The following DOCK4 variants were observed in gnomAD, a reference collection of about 807,000 sequenced individuals.
The protein encoded by DOCK4 is dedicator of cytokinesis 4.
DOCK4 carries 97 observed loss-of-function variants against 268.1 expected under a neutral mutation model. The ratio of observed to expected loss-of-function variants is 0.36; its 90% confidence interval spans 0.31 to 0.43. The LOEUF is 0.43. DOCK4 is among the 20% of genes least tolerant of loss of function. The pLI, the probability that DOCK4 is intolerant of heterozygous loss-of-function variation, is 1.00. For synonymous variants in DOCK4, 954 were observed against 887.2 expected, an observed-to-expected ratio of 1.08 and a Z score of -1.34; for missense variants, 2,145 against 2,455.7, an observed-to-expected ratio of 0.87 and a Z score of 2.67.
At chr7:112,193,469 C>T (rs1021553300) in intron 1 of DOCK4, among the ~76,000 whole-genome samples, 1 of 151,724 alleles carries the variant, frequency 6.6e-6, no homozygotes, top group African/African-American at 2.4e-5. Flanking sequence ...TGTGGTGGTG[C>T]ATGCCTATAG....
intron 15 of DOCK4, among the ~76,000 whole-genome samples, chr7:111,899,688 C>T (rs982267097): frequency 5.3e-5 from 8 of 152,222 alleles, no homozygotes; most frequent in South Asian, 2.1e-4. Flanking sequence ...TTTGGGAGGC[C>T]GAGGCGGGTG....
At chr7:111,732,192 A>G (rs1040130577) in intron 52 of DOCK4, 34 bp downstream of exon 52, 2 of 1,608,894 alleles carry the variant, frequency 1.2e-6, no homozygotes, top group Non-Finnish European at 1.7e-6. Context: ...AAACTGGGCC[A>G]GTCTCTAGCC....
rs138375904 is a variant in DOCK4 at position 112,053,809 on chromosome 7, G to A, written c.38-49678C>T. 3.0e-3 allele frequency among the ~76,000 whole-genome samples: 450 copies of A among 152,240 alleles called. 3 individuals are homozygous for A. The highest frequency in any genetic ancestry group is 0.017 in the Middle Eastern group (5 of 292). On this transcript the variant is annotated intron_variant, in intron 1 of 52. Transcript: ENST00000428084. Reference sequence around the variant, plus strand: ...ATTACACCGTCAGCTAATCATATGCGCTGGGACCTTACCTAAGCACACAGG... The same window carrying A: ...ATTACACCGTCAGCTAATCATATGCACTGGGACCTTACCTAAGCACACAGG...
intron 1 of DOCK4, among the ~76,000 whole-genome samples, chr7:112,147,308 C>T (rs867085030): frequency 2.6e-5 from 4 of 152,014 alleles, no homozygotes; most frequent in African/African-American, 4.8e-5. Flanking sequence ...ATGTTTTGGG[C>T]GTTTTCAAGG....
chr7:112,012,597 A>G (rs1407180934), intron 1 of DOCK4, among the ~76,000 whole-genome samples: 2 of 152,232 alleles, frequency 1.3e-5, no homozygotes, highest in Non-Finnish European at 2.9e-5. Context: ...TCCAAATGAA[A>G]AACTGTTTTA....
chr7:111,953,393 C>G (rs1202809246), intron 8 of DOCK4, among the ~76,000 whole-genome samples: 1 of 152,148 alleles, frequency 6.6e-6, no homozygotes, highest in South Asian at 2.1e-4. Flanking sequence ...GAGCCTCTCC[C>G]TAAAAGGCAA....
intron 1 of DOCK4, among the ~76,000 whole-genome samples, chr7:112,088,070 G>A (rs1186204126): frequency 6.6e-6 from 1 of 152,110 alleles, no homozygotes; most frequent in Non-Finnish European, 1.5e-5. Context: ...GGAAACCAGT[G>A]GGATCGTGGG....
intron 1 of DOCK4, among the ~76,000 whole-genome samples, chr7:112,137,217 G>A (rs536570799): frequency 1.6e-4 from 25 of 152,112 alleles, no homozygotes; most frequent in African/African-American, 6.0e-4. Context: ...TAAAAGTTTT[G>A]GAAGGATTCT....
intron 30 of DOCK4, among the ~76,000 whole-genome samples, chr7:111,806,768 T>A (rs181236722): frequency 2.1e-4 from 32 of 152,294 alleles, no homozygotes; most frequent in Non-Finnish European, 5.9e-5. Context: ...GTGAGAGATT[T>A]TGCATTTCTT....
At chr7:111,906,510 C>T (rs1308933497) in intron 13 of DOCK4, among the ~76,000 whole-genome samples, 1 of 152,136 alleles carries the variant, frequency 6.6e-6, no homozygotes, top group Non-Finnish European at 1.5e-5. Flanking sequence ...AAGAGGAATG[C>T]ATGCACTAGA....
chr7:112,131,725 AT>A (rs1279035811), intron 1 of DOCK4, among the ~76,000 whole-genome samples: 1 of 152,336 alleles, frequency 6.6e-6, no homozygotes, highest in South Asian at 2.1e-4. Flanking sequence ...AGAAAAAAAA[AT>A]CATATGGCAT....
chr7:111,889,579 T>C (rs1808126529), intron 16 of DOCK4, among the ~76,000 whole-genome samples: 1 of 152,144 alleles, frequency 6.6e-6, no homozygotes, highest in Non-Finnish European at 1.5e-5. Flanking sequence ...ATCTCAAAGG[T>C]AGTGGCCAGT....
intron 4 of DOCK4, among the ~76,000 whole-genome samples, chr7:111,994,834 C>T (rs780256749): frequency 3.3e-5 from 5 of 152,110 alleles, no homozygotes; most frequent in Non-Finnish European, 5.9e-5. Context: ...GAACTTATGG[C>T]TTATGACATC....
chr7:111,786,641 T>C (rs1334457322), intron 32 of DOCK4, among the ~76,000 whole-genome samples: 5 of 152,198 alleles, frequency 3.3e-5, no homozygotes, highest in Non-Finnish European at 1.5e-5. Context: ...AGTGAACTAC[T>C]TACAGCTTTT....
At chr7:111,857,943 AAAT>A (rs1216500196) in intron 23 of DOCK4, among the ~76,000 whole-genome samples, 1 of 152,252 alleles carries the variant, frequency 6.6e-6, no homozygotes, top group Non-Finnish European at 1.5e-5. Flanking sequence ...TTAATGCTTT[AAAT>A]AAGTCCACCT....
chr7:111,816,808 T>C (rs977886560), intron 27 of DOCK4, among the ~76,000 whole-genome samples: 2 of 152,204 alleles, frequency 1.3e-5, no homozygotes, highest in African/African-American at 4.8e-5. Flanking sequence ...CAACTTTTAA[T>C]TTCATTTATT....
chr7:111,933,238 AC>A (rs1345050774), intron 12 of DOCK4, among the ~76,000 whole-genome samples: 9 of 144,800 alleles, frequency 6.2e-5, no homozygotes, highest in African/African-American at 2.0e-4. Context: ...ACACATATAT[AC>A]GTATATATAC....
rs1341859373 is a variant in DOCK4, at chr7:111,900,556, A to AC, written c.1318-21dup. ...AAAATCCTAACAAAGGGAAGAACACACAGGTTAAAGAGAGCTTCATCTAAA... is the reference window on the plus strand; with the variant it reads ...AAAATCCTAACAAAGGGAAGAACACACCAGGTTAAAGAGAGCTTCATCTAAA... On this transcript the variant is annotated intron_variant, in intron 14 of 52. Coordinates refer to ENST00000428084, the MANE Select transcript of DOCK4 (RefSeq NM_001363540.2). The AC allele has an allele frequency of 6.2e-7, 1 of 1,604,136 alleles. No individual in the cohort carries two copies. Among genetic ancestry groups the AC allele is most frequent in the Admixed American group, 1.7e-5 (1 of 58,682 alleles).
intron 1 of DOCK4, among the ~76,000 whole-genome samples, chr7:112,091,386 C>T (rs1465655960): frequency 2.6e-5 from 4 of 152,076 alleles, no homozygotes; most frequent in Non-Finnish European, 4.4e-5. Context: ...ATTCCTAGGC[C>T]GTCTTCACTC....
Sources: allele counts gnomAD v4.1 joint callset (sites outside exome capture counted in the v4.1 genomes callset), GRCh38; gene constraint gnomAD v4.1.1; transcripts MANE v1.5; gene names NCBI Gene and HGNC (gene_info 2026-07-23, HGNC 2026-07-21).